The following SPATA22 variants were observed in gnomAD, a reference collection of about 807,000 sequenced individuals.
SPATA22 encodes spermatogenesis associated 22.
In SPATA22, 29 loss-of-function variants were observed where a neutral mutation model predicts 47.8. That is an observed-to-expected ratio of 0.61 (90% CI 0.45 to 0.83). The LOEUF (loss-of-function observed/expected upper bound fraction) is 0.83. SPATA22 is among the 40% of genes least tolerant of loss of function. SPATA22 has a pLI of 0.00. For missense variants in SPATA22, 410 were observed against 421.7 expected, an observed-to-expected ratio of 0.97 and a Z score of 0.24; for synonymous variants, 133 against 140.9, an observed-to-expected ratio of 0.94 and a Z score of 0.40.
At chr17:3,471,920 T>A, upstream of SPATA22, 1 of 949,290 alleles carries the variant, frequency 1.1e-6, no homozygotes, top group Non-Finnish European at 1.3e-6. Flanking sequence ...CCGGGCGCGA[T>A]GACGTTAACG....
At chr17:3,499,372 A>C in intron 1 of SPATA22, 1 of 241,076 alleles carries the variant, frequency 4.1e-6, no homozygotes, top group East Asian at 8.4e-5. Flanking sequence ...CTTTGTATTC[A>C]GAATATAAAA....
At chr17:3,464,556 A>C (rs1265698081) in intron 3 of SPATA22, among the ~76,000 whole-genome samples, 2 of 126,376 alleles carry the variant, frequency 1.6e-5, no homozygotes, top group African/African-American at 2.7e-5. Context: ...CCCGGCCGCC[A>C]TCCCATCTAG....
chr17:3,471,986 T>G (rs1597417554), upstream of SPATA22: 1 of 471,792 alleles, frequency 2.1e-6, no homozygotes, highest in Non-Finnish European at 2.8e-6. Context: ...CTCCTTAGAG[T>G]TTTGCCCAGA....
chr17:3,447,105 T>C (rs1429232608), intron 6 of SPATA22, among the ~76,000 whole-genome samples: 2 of 151,776 alleles, frequency 1.3e-5, no homozygotes, highest in Non-Finnish European at 2.9e-5. Context: ...ATTTAAAAAA[T>C]AAGTAAACAT....
chr17:3,493,943 C>T (rs551025534), intron 1 of SPATA22, among the ~76,000 whole-genome samples: 27 of 152,210 alleles, frequency 1.8e-4, no homozygotes, highest in African/African-American at 4.6e-4. Context: ...CTTAACTAAA[C>T]GTTATCTGTT....
chr17:3,454,491 T>C (rs1360179819), intron 5 of SPATA22, among the ~76,000 whole-genome samples: 1 of 150,940 alleles, frequency 6.6e-6, no homozygotes, highest in Admixed American at 6.6e-5. Context: ...GATGTTCCCC[T>C]TCCTGTGTCC....
chr17:3,499,320 T>C, intron 1 of SPATA22: 1 of 393,736 alleles, frequency 2.5e-6, no homozygotes, highest in Non-Finnish European at 4.5e-6. Flanking sequence ...TATAGTTTAT[T>C]ATACATGATA....
intron 1 of SPATA22, chr17:3,483,405 G>C: frequency 1.9e-6 from 2 of 1,054,478 alleles, no homozygotes; most frequent in South Asian, 2.6e-5. Flanking sequence ...AGTTGATGAA[G>C]TAAAACGTAT....
At chr17:3,503,202 GGAATGAATGAAT>G (rs536159310) in intron 1 of SPATA22, 2 of 151,686 alleles carry the variant, frequency 1.3e-5, no homozygotes, top group African/African-American at 2.4e-5. Context: ...AACATTATCT[GGAATGAATGAAT>G]GAATGAATGA....
chr17:3,452,056 T>C (rs2072875127), intron 5 of SPATA22, among the ~76,000 whole-genome samples: 1 of 150,986 alleles, frequency 6.6e-6, no homozygotes, highest in South Asian at 2.1e-4. Context: ...AAAGAAAATC[T>C]TAAAATTATT....
At chr17:3,466,894 A>G (rs1334915068) in intron 3 of SPATA22, among the ~76,000 whole-genome samples, 2 of 152,160 alleles carry the variant, frequency 1.3e-5, no homozygotes, top group African/African-American at 4.8e-5. Context: ...AAGTTTCAAC[A>G]TATAAATTGG....
chr17:3,471,837 CGTGGACCGCGCAGGCGCA>C, upstream of SPATA22: 2 of 985,058 alleles, frequency 2.0e-6, no homozygotes, highest in Non-Finnish European at 2.4e-6. Context: ...TCGCAGGCGC[CGTGGACCGCGCAGGCGCA>C]GTGGCCGCCA....
At chr17:3,505,851 G>C (rs9906904) in intron 1 of SPATA22, among the ~76,000 whole-genome samples, 4 of 150,050 alleles carry the variant, frequency 2.7e-5, no homozygotes, top group Non-Finnish European at 5.9e-5. Context: ...TCTGCCTCCC[G>C]GGTTCCAGCG....
chr17:3,490,649 C>T lies in SPATA22; in HGVS notation c.-73-21251G>A, dbSNP rs185340856. Among the ~76,000 whole-genome samples, 542 of 152,278 alleles carry T rather than the reference C, an allele frequency of 3.6e-3. 1 individual carries two copies. The highest frequency in any genetic ancestry group is 4.4e-3 in the Non-Finnish European group (302 of 68,038). ...TACCATCTTTGTCTGAGGGCAGGTT[C>T]TATACTGTCTAATGGAACTGGTTTT... On this transcript the variant is annotated intron_variant, in intron 1 of 8. Coordinates refer to the SPATA22 transcript ENST00000541913. The surrounding 1 kb of genome is among the most constrained non-coding windows in gnomAD (Gnocchi z 4.6).
At chr17:3,495,671 C>A (rs536526524) in intron 1 of SPATA22, among the ~76,000 whole-genome samples, 1 of 152,304 alleles carries the variant, frequency 6.6e-6, no homozygotes, top group Non-Finnish European at 1.5e-5. Context: ...CGGGTTCAAG[C>A]AATTCTCCTG....
At chr17:3,484,031 A>G (rs1212505577) in intron 1 of SPATA22, among the ~76,000 whole-genome samples, 2 of 152,206 alleles carry the variant, frequency 1.3e-5, no homozygotes, top group Admixed American at 6.5e-5. Context: ...GTAACAAGCA[A>G]TTTAGCTCCA....
intron 1 of SPATA22, among the ~76,000 whole-genome samples, chr17:3,505,190 T>C (rs1217516043): frequency 1.3e-5 from 2 of 152,220 alleles, no homozygotes; most frequent in African/African-American, 4.8e-5. Flanking sequence ...TAGGCCACTC[T>C]GTTATACAAG....
chr17:3,444,638 G>A (rs547634134), intron 7 of SPATA22, among the ~76,000 whole-genome samples: 1 of 152,070 alleles, frequency 6.6e-6, no homozygotes, highest in Non-Finnish European at 1.5e-5. Flanking sequence ...TGAGCAGCTA[G>A]ATCAAGCTTT....
intron 1 of SPATA22, among the ~76,000 whole-genome samples, chr17:3,482,258 T>C (rs939342243): frequency 6.6e-6 from 1 of 152,210 alleles, no homozygotes; most frequent in African/African-American, 2.4e-5. Context: ...TAACGTAGAC[T>C]AAAGCCCAGT....
Sources: gnomAD v4.1 joint callset for allele counts (sites outside exome capture counted in the v4.1 genomes callset) on GRCh38, gnomAD v4.1.1 for gene constraint, Gnocchi (gnomAD v3.1) non-coding constraint, MANE v1.5 for transcripts, NCBI Gene and HGNC (gene_info 2026-07-23, HGNC 2026-07-21) for gene names.